Variants in COG5 observed in about 807,000 individuals in gnomAD.
The protein encoded by COG5 is component of oligomeric golgi complex 5.
A neutral mutation model predicts 110.4 loss-of-function variants in COG5; 86 were observed. That is an observed-to-expected ratio of 0.78 (90% CI 0.65 to 0.93). COG5 has a LOEUF of 0.93. COG5 is among the 40% of genes least tolerant of loss of function. The probability of loss-of-function intolerance (pLI) is 0.00; values close to 1 mark genes in which losing one functional copy is unlikely to be tolerated. For missense variants in COG5, 1,077 were observed against 987.0 expected, an observed-to-expected ratio of 1.09 and a Z score of -1.22; for synonymous variants, 360 against 334.6, an observed-to-expected ratio of 1.08 and a Z score of -0.83.
At chr7:107,365,039 T>TA (rs1304003271) in intron 8 of COG5, among the ~76,000 whole-genome samples, 1 of 152,024 alleles carries the variant, frequency 6.6e-6, no homozygotes, top group Non-Finnish European at 1.5e-5. Flanking sequence ...TTATGAATAC[T>TA]AAAAAAATAG....
In COG5 at chr7:107,314,666, T is replaced by C. The variant is rs1382701148; in HGVS notation, c.1108+9774A>G. Among the ~76,000 whole-genome samples, 5 of 151,558 alleles carry C rather than the reference T, an allele frequency of 3.3e-5. No homozygotes were observed. In the East Asian group the frequency reaches 9.7e-4, roughly 29 times the overall value. On this transcript the variant is annotated intron_variant, in intron 11 of 21. Coordinates refer to ENST00000297135, the MANE Select transcript of COG5 (RefSeq NM_006348.5). ...TGGGAGGCTGAGGCAGGAGAATTGC[T>C]TGAACCCAGGAGGCAGAGGTTGCAG...
At chr7:107,401,863 G>A (rs1791456624) in intron 7 of COG5, among the ~76,000 whole-genome samples, 1 of 152,164 alleles carries the variant, frequency 6.6e-6, no homozygotes, top group South Asian at 2.1e-4. Context: ...CTTGCTGCCT[G>A]CAGAACTACT....
chr7:107,371,897 A>G (rs893844341), intron 8 of COG5, among the ~76,000 whole-genome samples: 7 of 152,202 alleles, frequency 4.6e-5, no homozygotes. Flanking sequence ...AACAGGAAGG[A>G]AGAATGAATA....
chr7:107,243,022 C>T (rs555903795), intron 17 of COG5, among the ~76,000 whole-genome samples: 5 of 151,942 alleles, frequency 3.3e-5, no homozygotes, highest in African/African-American at 4.8e-5. Context: ...ACCAAGCAAA[C>T]GAAAAACAGA....
At chr7:107,541,523 A>AAAAAAAAATAT (rs60423657) in intron 5 of COG5, among the ~76,000 whole-genome samples, 68 of 56,990 alleles carry the variant, frequency 1.2e-3, no homozygotes, top group Non-Finnish European at 1.6e-3. Flanking sequence ...AAAAAAAAAA[A>AAAAAAAAATAT]ATATATATAT....
chr7:107,403,450 ATATAGG>A (rs1344751294), intron 7 of COG5, among the ~76,000 whole-genome samples: 1 of 150,238 alleles, frequency 6.7e-6, no homozygotes, highest in African/African-American at 2.5e-5. Flanking sequence ...CTGGTTTGTT[ATATAGG>A]TATACACGTG....
intron 6 of COG5, among the ~76,000 whole-genome samples, chr7:107,458,953 T>TTA (rs1251458632): frequency 1.3e-5 from 2 of 151,154 alleles, no homozygotes; most frequent in Non-Finnish European, 2.9e-5. Flanking sequence ...ATTTATATTA[T>TTA]TATATATATA....
chr7:107,439,994 ACAT>A (rs1794610739), intron 6 of COG5, among the ~76,000 whole-genome samples: 1 of 152,190 alleles, frequency 6.6e-6, no homozygotes, highest in East Asian at 1.9e-4. Flanking sequence ...CTCAGCCCCA[ACAT>A]CCTCCATGAA....
chr7:107,444,703 A>G (rs755698758), intron 6 of COG5, among the ~76,000 whole-genome samples: 12 of 152,218 alleles, frequency 7.9e-5, no homozygotes, highest in Non-Finnish European at 1.3e-4. Flanking sequence ...AAGAGCAAGG[A>G]CTATGCCTCT....
intron 16 of COG5, among the ~76,000 whole-genome samples, chr7:107,251,989 GGA>G (rs1330308987): frequency 2.6e-5 from 4 of 152,016 alleles, no homozygotes; most frequent in Admixed American, 2.0e-4. Context: ...GAAAAAAACA[GGA>G]AGAGAACACA....
intron 16 of COG5, among the ~76,000 whole-genome samples, chr7:107,249,580 T>C (rs775578472): frequency 2.0e-5 from 3 of 152,038 alleles, no homozygotes; most frequent in Non-Finnish European, 4.4e-5. Flanking sequence ...TTTTGGCTCA[T>C]ACAAATGATC....
rs114997298 is a variant in COG5, at chr7:107,481,409, T to C, written c.538+45828A>G. ...ATTTTAAAATATTAATGCTAACAAA[T>C]GAGAGCACTGGCCATATTAAACGTA... On this transcript the variant is annotated intron_variant, in intron 6 of 21. Transcript: ENST00000297135. Among the ~76,000 whole-genome samples the C allele has an allele frequency of 1.9e-3, 284 of 152,240 alleles. 2 individuals are homozygous for C. Among genetic ancestry groups the C allele is most frequent in the African/African-American group, 6.6e-3 (275 of 41,552 alleles).
At chr7:107,318,787 T>C (rs897100249) in intron 11 of COG5, among the ~76,000 whole-genome samples, 1 of 152,154 alleles carries the variant, frequency 6.6e-6, no homozygotes, top group Non-Finnish European at 1.5e-5. Context: ...TTAAACTTAA[T>C]TGCTTCCATA....
intron 6 of COG5, among the ~76,000 whole-genome samples, chr7:107,488,163 T>TA (rs34645388): frequency 0.15 from 22,779 of 151,928 alleles, 2,116 homozygotes; most frequent in Non-Finnish European, 0.2. Context: ...CCCATTTATT[T>TA]AAAAAAATTT....
intron 7 of COG5, among the ~76,000 whole-genome samples, chr7:107,381,779 T>C (rs1220285422): frequency 6.6e-6 from 1 of 152,212 alleles, no homozygotes; most frequent in Non-Finnish European, 1.5e-5. Flanking sequence ...GCAAACTTTT[T>C]GACTTTTGGT....
chr7:107,276,725 C>T (rs927912619), intron 14 of COG5, among the ~76,000 whole-genome samples: 3 of 152,114 alleles, frequency 2.0e-5, no homozygotes, highest in African/African-American at 7.2e-5. Context: ...ACATTTCAGA[C>T]TATACAAACA....
intron 14 of COG5, among the ~76,000 whole-genome samples, chr7:107,275,768 C>T (rs1473772289): frequency 2.0e-5 from 3 of 151,726 alleles, no homozygotes; most frequent in Non-Finnish European, 4.4e-5. Flanking sequence ...AGGTGATCTG[C>T]CCACCTCAGC....
At chr7:107,209,287 T>A in intron 21 of COG5, 6 of 970,032 alleles carry the variant, frequency 6.2e-6, no homozygotes, top group Non-Finnish European at 7.4e-6. Flanking sequence ...AGTTGAATGA[T>A]GATGTAAAGG....
intron 8 of COG5, among the ~76,000 whole-genome samples, chr7:107,371,013 G>C (rs1361676407): frequency 7.3e-5 from 11 of 151,698 alleles, no homozygotes; most frequent in Admixed American, 5.3e-4. Flanking sequence ...CCCCATTCTT[G>C]ACGACACAAG....
Sources: gnomAD v4.1 joint callset for allele counts (sites outside exome capture counted in the v4.1 genomes callset) on GRCh38, gnomAD v4.1.1 for gene constraint, MANE v1.5 for transcripts, NCBI Gene and HGNC (gene_info 2026-07-23, HGNC 2026-07-21) for gene names.